Variants in SIPA1L3 observed in about 807,000 individuals in gnomAD.
The protein encoded by SIPA1L3 is signal induced proliferation associated 1 like 3, also known as signal-induced proliferation-associated 1-like protein 3.
SIPA1L3 carries 59 observed loss-of-function variants against 150.1 expected under a neutral mutation model. The observed-to-expected ratio is 0.39, with a 90% CI of 0.32 to 0.49. The LOEUF (loss-of-function observed/expected upper bound fraction) is 0.49. Ranked by LOEUF, SIPA1L3 falls within the 20% of genes least tolerant of loss-of-function variation. SIPA1L3 has a pLI of 0.86. For synonymous variants in SIPA1L3, 1,070 were observed against 1,077.6 expected (o/e 0.99, Z 0.14); for missense variants, 2,211 against 2,489.5 (o/e 0.89, Z 2.38).
intron 14 of SIPA1L3, among the ~76,000 whole-genome samples, chr19:38,163,404 T>C (rs332862): frequency 0.61 from 91,064 of 150,336 alleles, 28,049 homozygotes; most frequent in African/African-American, 0.7. Flanking sequence ...GCACAAGAAT[T>C]GCTTGAACCC....
At chr19:37,958,662 AAAC>A (rs1423886080) in intron 1 of SIPA1L3, among the ~76,000 whole-genome samples, 4 of 152,224 alleles carry the variant, frequency 2.6e-5, no homozygotes, top group African/African-American at 9.6e-5. Context: ...ACAAAAGCAC[AAAC>A]AACAGAAGAA....
intron 1 of SIPA1L3, among the ~76,000 whole-genome samples, chr19:37,959,370 A>G (rs187526046): frequency 1.3e-5 from 2 of 152,342 alleles, no homozygotes; most frequent in Admixed American, 6.5e-5. Flanking sequence ...GATACAGACT[A>G]CAACATGGAT....
intron 1 of SIPA1L3, among the ~76,000 whole-genome samples, chr19:37,943,249 C>T (rs372725136): frequency 7.9e-5 from 12 of 152,012 alleles, no homozygotes; most frequent in East Asian, 1.9e-4. Flanking sequence ...ATTTCAACCC[C>T]GAAGAAACTG....
intron 2 of SIPA1L3, among the ~76,000 whole-genome samples, chr19:38,061,581 C>A (rs1969446731): frequency 6.6e-6 from 1 of 151,738 alleles, no homozygotes. Flanking sequence ...CACACGTGTG[C>A]AAGAGATATA....
intron 14 of SIPA1L3, among the ~76,000 whole-genome samples, chr19:38,163,399 A>G (rs1386104473): frequency 3.3e-5 from 5 of 151,690 alleles, no homozygotes; most frequent in Non-Finnish European, 5.9e-5. Context: ...CTGAGGCACA[A>G]GAATTGCTTG....
intron 7 of SIPA1L3, chr19:38,108,414 G>A (rs2145873145): frequency 6.6e-6 from 1 of 152,332 alleles, no homozygotes; most frequent in African/African-American, 2.4e-5. Context: ...GCCTCTCGGG[G>A]TTGTTAAGAG....
At chr19:37,936,135 G>T (rs1219475830) in intron 1 of SIPA1L3, among the ~76,000 whole-genome samples, 1 of 152,140 alleles carries the variant, frequency 6.6e-6, no homozygotes, top group Non-Finnish European at 1.5e-5. Context: ...AGAAGCCAAA[G>T]CCTTCCCTGA....
At chr19:37,929,145 G>A (rs577950980) in intron 1 of SIPA1L3, among the ~76,000 whole-genome samples, 2 of 152,314 alleles carry the variant, frequency 1.3e-5, no homozygotes, top group South Asian at 2.1e-4. Flanking sequence ...ACCCTGCCCA[G>A]AGAAACCAGC....
chr19:38,162,556 A>T (rs983319651), intron 14 of SIPA1L3, among the ~76,000 whole-genome samples, 185 bp downstream of exon 14: 1 of 152,226 alleles, frequency 6.6e-6, no homozygotes, highest in Admixed American at 6.5e-5. Flanking sequence ...CAGCCAGGTC[A>T]TCTAGGGCAA....
chr19:37,961,540 A>T (rs866478511), intron 1 of SIPA1L3, among the ~76,000 whole-genome samples: 3 of 152,152 alleles, frequency 2.0e-5, no homozygotes, highest in Non-Finnish European at 4.4e-5. Context: ...CAATTTGACT[A>T]TGTTTAAAAA....
chr19:38,141,088 C>G, intron 10 of SIPA1L3, 96 bp from the exon 11 acceptor site: 1 of 1,069,240 alleles, frequency 9.4e-7, no homozygotes, highest in Non-Finnish European at 1.3e-6. Flanking sequence ...AAAAAGCCAT[C>G]CCGGTTTATA....
intron 1 of SIPA1L3, among the ~76,000 whole-genome samples, chr19:37,977,697 G>T (rs560066207): frequency 6.6e-6 from 1 of 152,222 alleles, no homozygotes; most frequent in Non-Finnish European, 1.5e-5. Flanking sequence ...GGTCCAGAGC[G>T]CCCGTGTCCT....
chr19:38,127,111 G>A (rs560784561), intron 9 of SIPA1L3, among the ~76,000 whole-genome samples: 1 of 152,216 alleles, frequency 6.6e-6, no homozygotes, highest in South Asian at 2.1e-4. Flanking sequence ...AGAATTGCTT[G>A]AATCCAGGAA....
chr19:38,162,927 C>G (rs569289102), intron 14 of SIPA1L3, among the ~76,000 whole-genome samples: 2 of 152,304 alleles, frequency 1.3e-5, no homozygotes, highest in Admixed American at 1.3e-4. Flanking sequence ...GTGGCCACAC[C>G]TAGCTGCAAG....
chr19:38,110,407 CCAG>C, intron 8 of SIPA1L3, 23 bp downstream of exon 8: 1 of 1,602,930 alleles, frequency 6.2e-7, no homozygotes, highest in Non-Finnish European at 8.5e-7. Context: ...CACCCGGCCC[CCAG>C]CAGCGTATGG....
Position 38,001,088 on chromosome 19 carries a change from C to G in SIPA1L3, c.-378-28001C>G, listed in dbSNP as rs1295264032. On this transcript the variant is annotated intron_variant, in intron 1 of 21. Transcript: ENST00000222345. ...CACATATATATCACATATATATATA[C>G]TACTTTCATAAACAGGAAAAATGTT... 4.6e-5 allele frequency among the ~76,000 whole-genome samples: 7 copies of G among 150,562 alleles called. No homozygotes were observed. The East Asian group carries it at 1.4e-3, about 29-fold the overall frequency.
intron 2 of SIPA1L3, among the ~76,000 whole-genome samples, chr19:38,029,665 C>T (rs545559743): frequency 6.6e-6 from 1 of 152,216 alleles, no homozygotes; most frequent in South Asian, 2.1e-4. Flanking sequence ...GTGGCGTGAT[C>T]TTGGCTCACC....
intron 1 of SIPA1L3, among the ~76,000 whole-genome samples, chr19:37,974,959 C>T (rs764507178): frequency 4.6e-5 from 7 of 152,092 alleles, no homozygotes; most frequent in Non-Finnish European, 7.4e-5. Flanking sequence ...GGGCAGATCA[C>T]GAGGTCAGGA....
At chr19:38,111,990 C>T (rs1970766588) in intron 8 of SIPA1L3, among the ~76,000 whole-genome samples, 1 of 150,312 alleles carries the variant, frequency 6.7e-6, no homozygotes, top group African/African-American at 2.5e-5. Context: ...CACACAGGCA[C>T]ACACCTGCAC....
Sources: gnomAD v4.1 joint callset for allele counts (sites outside exome capture counted in the v4.1 genomes callset) on GRCh38, gnomAD v4.1.1 for gene constraint, MANE v1.5 for transcripts, NCBI Gene and HGNC (gene_info 2026-07-23, HGNC 2026-07-21) for gene names.